The following ITPKB variants were observed in gnomAD, a reference collection of about 807,000 sequenced individuals.
ITPKB encodes the protein IP3 3-kinase B.
Under a neutral mutation model 69.4 loss-of-function variants are expected in ITPKB, and 13 were observed. That is an observed-to-expected ratio of 0.19 (90% confidence interval 0.12 to 0.30). ITPKB has a LOEUF of 0.30. Ranked by LOEUF, ITPKB falls within the 10% of genes least tolerant of loss-of-function variation. ITPKB has a pLI of 1.00. For synonymous variants in ITPKB, 584 were observed against 513.7 expected (o/e 1.14, Z -1.85); for missense variants, 1,240 against 1,250.5 (o/e 0.99, Z 0.13).
intron 2 of ITPKB, among the ~76,000 whole-genome samples, chr1:226,675,486 G>A (rs368359391): frequency 1.3e-5 from 2 of 152,152 alleles, no homozygotes; most frequent in African/African-American, 4.8e-5. Flanking sequence ...ACCTCCAGCA[G>A]GCTGAACTTG....
intron 2 of ITPKB, among the ~76,000 whole-genome samples, chr1:226,701,925 G>A (rs930921142): frequency 2.0e-5 from 3 of 152,036 alleles, no homozygotes; most frequent in Non-Finnish European, 4.4e-5. Context: ...GCTCATTCAC[G>A]GCTCCCTTAA....
Position 226,641,984 on chromosome 1 carries a change from G to A in ITPKB, c.2388C>T (p.Tyr796=), listed in dbSNP as rs1470624634. 1.9e-6 allele frequency: 3 copies of A among 1,614,124 alleles called. No individual in the cohort carries two copies. Among genetic ancestry groups the A allele is most frequent in the Non-Finnish European group, 2.5e-6 (3 of 1,180,050 alleles). Residue 796 remains tyrosine (Y), a synonymous_variant, in exon 5 of 8, where the codon TAC becomes TAT. Coordinates refer to ENST00000429204, the MANE Select transcript of ITPKB (RefSeq NM_002221.4). The surrounding 1 kb of genome is among the most constrained non-coding windows in gnomAD (Gnocchi z 4.6). ...AGCTGATGGTCTCCCGCCACTGCAT[G>A]TACCGTGGCTTGGTCACAGCCCGCT... is the stretch of plus-strand genomic sequence containing the variant. The part of the protein sequence containing the change: ...KAQRAVTKPR[Y]MQWRETISST...
chr1:226,720,795 T>A (rs1657218023), intron 2 of ITPKB, among the ~76,000 whole-genome samples: 1 of 151,898 alleles, frequency 6.6e-6, no homozygotes. Context: ...CTCATGCCTA[T>A]AATCCCAGCA....
At chr1:226,708,339 C>T (rs16846403) in intron 2 of ITPKB, among the ~76,000 whole-genome samples, 5 of 151,974 alleles carry the variant, frequency 3.3e-5, no homozygotes, top group Non-Finnish European at 5.9e-5. Context: ...TGCCTCAAAC[C>T]GTTGGTAGAA....
At position 226,647,828 on chromosome 1, in the gene ITPKB, G is replaced by A. The variant is rs183341177; in HGVS notation, c.2033-448C>T. Among the ~76,000 whole-genome samples the A allele has an allele frequency of 1.9e-3, 297 of 152,346 alleles. 1 individual carries two copies. Among genetic ancestry groups the A allele is most frequent in the Middle Eastern group, 3.4e-3 (1 of 294 alleles). On this transcript the variant is annotated intron_variant, in intron 3 of 7. Transcript: ENST00000429204. ...GATACAGCAGGCTGAGAAGCTGGGGGGCCTAAGGCTCAGCCCACCTGGGTG... is the reference window on the plus strand; with the variant it reads ...GATACAGCAGGCTGAGAAGCTGGGGAGCCTAAGGCTCAGCCCACCTGGGTG...
At chr1:226,657,721 T>C (rs1437357174) in intron 2 of ITPKB, among the ~76,000 whole-genome samples, 1 of 152,204 alleles carries the variant, frequency 6.6e-6, no homozygotes, top group East Asian at 1.9e-4. Context: ...ATGAAACATG[T>C]TGAGAGGGGT....
intron 2 of ITPKB, among the ~76,000 whole-genome samples, chr1:226,695,832 C>T (rs985762190): frequency 5.9e-5 from 9 of 152,026 alleles, no homozygotes; most frequent in African/African-American, 1.5e-4. Context: ...TATGGCAGGG[C>T]CCACAATGTC....
chr1:226,670,597 G>T (rs1208614296), intron 2 of ITPKB, among the ~76,000 whole-genome samples: 1 of 152,208 alleles, frequency 6.6e-6, no homozygotes, highest in Non-Finnish European at 1.5e-5. Context: ...AGATTAAGGG[G>T]CAGGGAGCAG....
chr1:226,691,480 G>C lies in ITPKB; in HGVS notation c.1933-42709C>G, dbSNP rs145828941. Reference sequence around the variant, plus strand: ...CAGAAAATCCCCCAAATGCAGCACAGAACGCCTTAGACTGGCCTGAGTCAA... The same window carrying C: ...CAGAAAATCCCCCAAATGCAGCACACAACGCCTTAGACTGGCCTGAGTCAA... On this transcript the variant is annotated intron_variant, in intron 2 of 7. Coordinates refer to ENST00000429204, the MANE Select transcript of ITPKB (RefSeq NM_002221.4). 1.6e-3 allele frequency among the ~76,000 whole-genome samples: 245 copies of C among 152,274 alleles called. 3 individuals carry two copies. Among genetic ancestry groups the C allele is most frequent in the African/African-American group, 5.5e-3 (227 of 41,538 alleles).
intron 2 of ITPKB, among the ~76,000 whole-genome samples, chr1:226,714,543 A>G (rs571690175): frequency 6.6e-6 from 1 of 152,220 alleles, no homozygotes. Context: ...TAAAGGGTCT[A>G]TAGAAAACTA....
chr1:226,651,958 C>T (rs1669203831), intron 2 of ITPKB, among the ~76,000 whole-genome samples: 1 of 152,236 alleles, frequency 6.6e-6, no homozygotes, highest in South Asian at 2.1e-4. Context: ...GAGAGTCCCC[C>T]AGTCCCAAGG....
chr1:226,662,823 G>A lies in ITPKB; in HGVS notation c.1933-14052C>T, dbSNP rs74791373. ...TGTGGCTAAATGGCACTCAGCAAGT[G>A]AGAATGCAGACTCGCAGAGAGAACC... On this transcript the variant is annotated intron_variant, in intron 2 of 7. Coordinates refer to ENST00000429204, the MANE Select transcript of ITPKB (RefSeq NM_002221.4). Among the ~76,000 whole-genome samples, 56 of 152,378 alleles carry A rather than the reference G, an allele frequency of 3.7e-4. No homozygotes were observed. In the East Asian group the frequency reaches 8.5e-3, roughly 23 times the overall value.
chr1:226,710,418 G>A (rs990028110), intron 2 of ITPKB, among the ~76,000 whole-genome samples: 3 of 152,180 alleles, frequency 2.0e-5, no homozygotes, highest in African/African-American at 4.8e-5. Context: ...GCCATAAAAC[G>A]TACTAAAATA....
chr1:226,736,281 G>A lies in ITPKB; in HGVS notation c.1178C>T (p.Pro393Leu), dbSNP rs150169246. 112 of 1,598,180 alleles carry A rather than the reference G, an allele frequency of 7.0e-5. 1 individual carries two copies. In the African/African-American group the frequency reaches 1.4e-3, roughly 20 times the overall value. The change falls in exon 2 of 8, where the codon CCA (proline) becomes CTA (leucine). Residue 393 changes from proline (P) to leucine (L), a missense_variant. Transcript: ENST00000429204. ...GSGEPEVGKR[P>L]EETTVSVQSA... Reference sequence around the variant, plus strand: ...TTGCACGCTCACAGTCGTCTCCTCTGGCCTTTTGCCCACTTCAGGCTCCCC... The same window carrying A: ...TTGCACGCTCACAGTCGTCTCCTCTAGCCTTTTGCCCACTTCAGGCTCCCC...
intron 2 of ITPKB, among the ~76,000 whole-genome samples, chr1:226,695,725 T>C (rs1473771301): frequency 1.3e-5 from 2 of 151,948 alleles, no homozygotes; most frequent in Non-Finnish European, 2.9e-5. Flanking sequence ...CAAGAGTCGG[T>C]GTGCAGCAGA....
chr1:226,662,422 T>C (rs1669419234), intron 2 of ITPKB, among the ~76,000 whole-genome samples: 1 of 152,246 alleles, frequency 6.6e-6, no homozygotes, highest in African/African-American at 2.4e-5. Flanking sequence ...CTGGTTCTTT[T>C]TCAGAGATTC....
chr1:226,715,879 C>T (rs771859179), intron 2 of ITPKB, among the ~76,000 whole-genome samples: 6 of 152,156 alleles, frequency 3.9e-5, no homozygotes, highest in African/African-American at 9.7e-5. Context: ...GACAAGATCT[C>T]GGCTCACTGA....
intron 4 of ITPKB, among the ~76,000 whole-genome samples, chr1:226,645,765 C>T (rs1197981454): frequency 6.6e-6 from 1 of 152,182 alleles, no homozygotes; most frequent in African/African-American, 2.4e-5. Flanking sequence ...GTTCTTTCTC[C>T]TCCCTGCCCT....
intron 2 of ITPKB, among the ~76,000 whole-genome samples, chr1:226,692,450 T>C (rs543906439): frequency 6.6e-6 from 1 of 152,222 alleles, no homozygotes; most frequent in East Asian, 1.9e-4. Context: ...TTTAAATAGA[T>C]AGGAAAGTGG....
Sources: allele counts gnomAD v4.1 joint callset (sites outside exome capture counted in the v4.1 genomes callset), GRCh38; gene constraint gnomAD v4.1.1; non-coding constraint Gnocchi (gnomAD v3.1); transcripts MANE v1.5; gene names NCBI Gene and HGNC (gene_info 2026-07-23, HGNC 2026-07-21).